BUB3: variants seen among roughly 807,000 people sequenced by gnomAD.
The protein encoded by BUB3 is BUB3 mitotic checkpoint protein.
BUB3 carries 22 observed loss-of-function variants against 39.9 expected under a neutral mutation model. The observed-to-expected ratio is 0.55, with a 90% CI of 0.39 to 0.79. BUB3 has a LOEUF of 0.79. BUB3 is among the 30% of genes least tolerant of loss of function. The pLI, the probability that BUB3 is intolerant of heterozygous loss-of-function variation, is 0.00. For missense variants in BUB3, 303 were observed against 415.4 expected (o/e 0.73, Z 2.35); for synonymous variants, 168 against 155.1 (o/e 1.08, Z -0.62).
chr10:123,155,234 T>C, intron 2 of BUB3, 122 bp downstream of exon 2: 6 of 1,156,780 alleles, frequency 5.2e-6, no homozygotes, highest in South Asian at 1.6e-5. Flanking sequence ...GACAGTTCTT[T>C]AGCTTTTCAG....
rs907203114 is a variant in BUB3 at position 123,170,400 on chromosome 10, T to G, written c.*6565T>G. The G allele has an allele frequency of 2.2e-4, 33 of 152,218 alleles. No individual in the cohort carries two copies. The highest frequency in any genetic ancestry group is 8.8e-5 in the Non-Finnish European group (6 of 68,038). The allele number at this position is 152,218 out of a possible 1,614,324, so 9.4% of individuals were successfully genotyped here. A position where few individuals can be genotyped will look rare whatever the true frequency, so the allele number is the denominator to read the frequency against. On this transcript the variant is annotated 3_prime_UTR_variant, in exon 8 of 8. Coordinates refer to ENST00000368865, the MANE Select transcript of BUB3 (RefSeq NM_004725.4). ...GGATCATACCCATAAACCCACTGTTTAGATTTTAAAAAGTTCAATGTTTTT... is the reference window on the plus strand; with the variant it reads ...GGATCATACCCATAAACCCACTGTTGAGATTTTAAAAAGTTCAATGTTTTT...
rs2133575160 is a variant in BUB3, at chr10:123,169,076, C to G, written c.*5241C>G. ...AAAATGGCAACTTCAAATTTGCACC[C>G]CCAGGTATCATGTGGGCAGGTGCTC... On this transcript the variant is annotated 3_prime_UTR_variant, in exon 8 of 8. Coordinates refer to ENST00000368865, the MANE Select transcript of BUB3 (RefSeq NM_004725.4). 1.3e-5 allele frequency: 2 copies of G among 152,332 alleles called. No individual in the cohort carries two copies. Among genetic ancestry groups the G allele is most frequent in the South Asian group, 4.1e-4 (2 of 4,826 alleles). 9.4% of individuals were successfully genotyped at this position (152,332 alleles called of 1,614,324 possible).
chr10:123,159,483 T>A (rs1844391949), intron 4 of BUB3, among the ~76,000 whole-genome samples: 1 of 152,236 alleles, frequency 6.6e-6, no homozygotes, highest in Non-Finnish European at 1.5e-5. Context: ...AAGTCTAGAT[T>A]TTTAAAAAGT....
At chr10:123,163,640 G>A (rs903309528) in intron 7 of BUB3, among the ~76,000 whole-genome samples, 180 bp from the exon 8 acceptor site, 2 of 152,226 alleles carry the variant, frequency 1.3e-5, no homozygotes, top group South Asian at 2.1e-4. Flanking sequence ...CTAAGAGGGG[G>A]CAGAATATTA....
chr10:123,161,615 G>A (rs1844425234), intron 5 of BUB3, among the ~76,000 whole-genome samples: 1 of 152,066 alleles, frequency 6.6e-6, no homozygotes, highest in South Asian at 2.1e-4. Flanking sequence ...ATACCTTGAA[G>A]GATTAAAAAA....
chr10:123,157,403 C>G (rs1844363888), intron 3 of BUB3, among the ~76,000 whole-genome samples: 1 of 152,224 alleles, frequency 6.6e-6, no homozygotes, highest in African/African-American at 2.4e-5. Context: ...GAGGTAAACG[C>G]AGTTCCTGAT....
intron 3 of BUB3, 65 bp from the exon 4 acceptor site, chr10:123,157,664 A>G: frequency 6.8e-7 from 1 of 1,462,890 alleles, no homozygotes. Context: ...TGTTTATTTT[A>G]GGAATCTTTA....
intron 4 of BUB3, 63 bp from the exon 5 acceptor site, chr10:123,160,344 G>C: frequency 1.4e-6 from 2 of 1,405,142 alleles, no homozygotes; most frequent in South Asian, 3.4e-5. Context: ...ACTTTATTTT[G>C]GGGCAAAATG....
chr10:123,162,537 A>T (rs1589691237), intron 6 of BUB3, 75 bp from the exon 7 acceptor site: 6 of 1,558,862 alleles, frequency 3.8e-6, no homozygotes, highest in Non-Finnish European at 5.2e-6. Flanking sequence ...GACCTTAAAA[A>T]TTAACTGTTA....
In BUB3 at chr10:123,162,699, C is replaced by T; in HGVS notation, c.842C>T (p.Ser281Leu). Residue 281 changes from serine (S) to leucine (L), a missense_variant, in exon 7 of 8, where the codon TCA becomes TTA. This residue lies in a region of BUB3 where 182 missense variants were observed against 293.1 expected (regional missense o/e 0.62). Transcript: ENST00000368865. ...CATCGGTACCCCACGAGCATCGCAT[C>T]ACTTGCCTTCAGTAATGATGGGACT... ...QFHRYPTSIA[S>L]LAFSNDGTTL... is the part of the protein sequence containing the mutation. 6.2e-7 allele frequency: 1 copy of T among 1,612,538 alleles called. No individual in the cohort carries two copies. The highest frequency in any genetic ancestry group is 1.1e-5 in the South Asian group (1 of 90,570).
At position 123,165,028 on chromosome 10, in the gene BUB3, T is replaced by C; in HGVS notation, c.*1193T>C. 1.2e-6 allele frequency: 2 copies of C among 1,612,816 alleles called. No homozygotes were observed. Among genetic ancestry groups the C allele is most frequent in the East Asian group, 2.2e-5 (1 of 44,832 alleles). On this transcript the variant is annotated 3_prime_UTR_variant, in exon 8 of 8. Transcript: ENST00000368865. Reference sequence around the variant, plus strand: ...GTAAGTCTGAACCCATCTTTTGAAATGTATTTTCTTCATTGCAGGTCCACC... The same window carrying C: ...GTAAGTCTGAACCCATCTTTTGAAACGTATTTTCTTCATTGCAGGTCCACC...
At chr10:123,163,129 T>G (rs969074791) in intron 7 of BUB3, 6 of 314,352 alleles carry the variant, frequency 1.9e-5, no homozygotes, top group Non-Finnish European at 2.9e-5. Context: ...AAAATTAAGT[T>G]GAGGAATTCA....
chr10:123,162,965 A>C (rs919608964), intron 7 of BUB3, 137 bp downstream of exon 7: 3 of 821,042 alleles, frequency 3.7e-6, no homozygotes, highest in Non-Finnish European at 5.7e-6. Flanking sequence ...TGATGTTATC[A>C]TGTTCTCCCA....
chr10:123,165,009 C>G lies in BUB3; in HGVS notation c.*1174C>G. ...ATTTCAGTGAAAACTTGGTGTAAGT[C>G]TGAACCCATCTTTTGAAATGTATTT... On this transcript the variant is annotated 3_prime_UTR_variant, in exon 8 of 8. Coordinates refer to ENST00000368865, the MANE Select transcript of BUB3 (RefSeq NM_004725.4). The G allele has an allele frequency of 6.2e-7, 1 of 1,609,248 alleles. No individual in the cohort carries two copies. Among genetic ancestry groups the G allele is most frequent in the South Asian group, 1.1e-5 (1 of 90,560 alleles).
chr10:123,158,234 TG>T (rs1300132509), intron 4 of BUB3, among the ~76,000 whole-genome samples: 2 of 152,212 alleles, frequency 1.3e-5, no homozygotes, highest in Non-Finnish European at 2.9e-5. Flanking sequence ...GAAGATTGGA[TG>T]GAGCATCACT....
Position 123,164,169 on chromosome 10 carries a change from C to A in BUB3, c.*334C>A, listed in dbSNP as rs886626371. The A allele has an allele frequency of 9.7e-7, 1 of 1,029,014 alleles. No homozygotes were observed. The highest frequency in any genetic ancestry group is 1.2e-6 in the Non-Finnish European group (1 of 859,638). 63.7% of individuals were successfully genotyped at this position (1,029,014 alleles called of 1,614,324 possible). The stretch of plus-strand genomic sequence containing the variant: ...TTTGTAAATAAGTGTAATAAAAATC[C>A]CTTTGCATTCTTTCTGGACCTTAAA... On this transcript the variant is annotated 3_prime_UTR_variant, in exon 8 of 8. Coordinates refer to ENST00000368865, the MANE Select transcript of BUB3 (RefSeq NM_004725.4).
In BUB3 at chr10:123,155,644, A is replaced by G. The variant is rs368753088; in HGVS notation, c.196-14A>G. ...AAAGTTCTAGTTTTTAAACGGTTCAAAACTATTTTATAGGATCCAACGCAT... is the reference window on the plus strand; with the variant it reads ...AAAGTTCTAGTTTTTAAACGGTTCAGAACTATTTTATAGGATCCAACGCAT... On this transcript the variant is annotated splice_polypyrimidine_tract_variant and intron_variant, in intron 2 of 7. Transcript: ENST00000368865. 99 of 1,613,364 alleles carry G rather than the reference A, an allele frequency of 6.1e-5. No individual in the cohort carries two copies. The African/African-American group carries it at 1.0e-3, about 17-fold the overall frequency.
At chr10:123,157,684 G>A in intron 3 of BUB3, 45 bp from the exon 4 acceptor site, 2 of 1,516,516 alleles carry the variant, frequency 1.3e-6, no homozygotes, top group Non-Finnish European at 1.8e-6. Flanking sequence ...AGTAAAGGTA[G>A]TAAGCTAGAT....
rs1844468451 is a variant in BUB3, at chr10:123,164,810, T to A, written c.*975T>A. 7.8e-7 allele frequency: 1 copy of A among 1,274,026 alleles called. No individual in the cohort carries two copies. The highest frequency in any genetic ancestry group is 9.9e-7 in the Non-Finnish European group (1 of 1,009,230). 78.9% of individuals were successfully genotyped at this position (1,274,026 alleles called of 1,614,324 possible). Reference sequence around the variant, plus strand: ...ACTAAAGCAGAACACGAACTTAGCTTGGCCTATTCTAGGTAGTTCCAAATA... The same window carrying A: ...ACTAAAGCAGAACACGAACTTAGCTAGGCCTATTCTAGGTAGTTCCAAATA... On this transcript the variant is annotated 3_prime_UTR_variant, in exon 8 of 8. Transcript: ENST00000368865.
Sources: allele counts gnomAD v4.1 joint callset (sites outside exome capture counted in the v4.1 genomes callset), GRCh38; gene constraint gnomAD v4.1.1; regional missense constraint gnomAD v4.1.1; transcripts MANE v1.5; gene names NCBI Gene and HGNC (gene_info 2026-07-23, HGNC 2026-07-21).